Variants in TMEM132B observed in about 807,000 individuals in gnomAD.
TMEM132B encodes transmembrane protein 132B.
A neutral mutation model predicts 90.8 loss-of-function variants in TMEM132B; 18 were observed. The observed-to-expected ratio is 0.20, with a 90% confidence interval of 0.14 to 0.29. The LOEUF (loss-of-function observed/expected upper bound fraction) is 0.29. Among genes scored for constraint, TMEM132B ranks in the 10% least tolerant of loss-of-function variants. The pLI, the probability that TMEM132B is intolerant of heterozygous loss-of-function variation, is 1.00. For missense variants in TMEM132B, 1,096 were observed against 1,326.8 expected (o/e 0.83, Z 2.70); for synonymous variants, 504 against 523.3 (o/e 0.96, Z 0.50).
intron 2 of TMEM132B, among the ~76,000 whole-genome samples, chr12:125,412,693 G>C (rs975600340): frequency 4.6e-5 from 7 of 152,168 alleles, no homozygotes; most frequent in Non-Finnish European, 8.8e-5. Context: ...AGCAAGTACC[G>C]ATAGGAAGGA....
At chr12:125,488,654 G>A (rs1294457466) in intron 3 of TMEM132B, among the ~76,000 whole-genome samples, 4 of 152,174 alleles carry the variant, frequency 2.6e-5, no homozygotes, top group African/African-American at 4.8e-5. Context: ...ACGTGGAACT[G>A]TAAGTCCATT....
intron 3 of TMEM132B, among the ~76,000 whole-genome samples, chr12:125,421,944 TAGA>T (rs1297990993): frequency 5.3e-5 from 8 of 152,232 alleles, no homozygotes; most frequent in Non-Finnish European, 1.0e-4. Flanking sequence ...TTCAACAAAG[TAGA>T]AGTAGTTTTT....
At chr12:125,430,541 C>G (rs144564959) in intron 3 of TMEM132B, among the ~76,000 whole-genome samples, 1 of 152,206 alleles carries the variant, frequency 6.6e-6, no homozygotes, top group African/African-American at 2.4e-5. Flanking sequence ...TGCAAAGGCT[C>G]CCAGGGAAGG....
chr12:125,193,115 A>G (rs1872835564), intron 1 of TMEM132B, among the ~76,000 whole-genome samples: 1 of 152,196 alleles, frequency 6.6e-6, no homozygotes. Context: ...GGACACATGC[A>G]ACCATCACAG....
At chr12:125,311,469 T>A (rs1876122715) in intron 1 of TMEM132B, among the ~76,000 whole-genome samples, 1 of 152,210 alleles carries the variant, frequency 6.6e-6, no homozygotes, top group Non-Finnish European at 1.5e-5. Flanking sequence ...AGCTTCTCTC[T>A]TCCTTTTACA....
intron 1 of TMEM132B, among the ~76,000 whole-genome samples, chr12:125,249,536 G>T (rs1430712095): frequency 3.3e-5 from 5 of 152,188 alleles, no homozygotes; most frequent in Non-Finnish European, 4.4e-5. Context: ...GCCACAGTGG[G>T]TTAACTTTAC....
chr12:125,643,941 T>C, intron 5 of TMEM132B, 135 bp from the exon 6 acceptor site: 1 of 728,790 alleles, frequency 1.4e-6, no homozygotes, highest in East Asian at 2.7e-5. Context: ...TTACCTTTTG[T>C]ACAAGTTCTG....
chr12:125,298,069 A>T (rs1412989299), intron 1 of TMEM132B, among the ~76,000 whole-genome samples: 2 of 152,256 alleles, frequency 1.3e-5, no homozygotes, highest in East Asian at 3.9e-4. Context: ...TCTGGGCAAC[A>T]TAGTGAGGCC....
At chr12:125,568,068 G>C (rs1478049760) in intron 4 of TMEM132B, among the ~76,000 whole-genome samples, 1 of 152,014 alleles carries the variant, frequency 6.6e-6, no homozygotes, top group Non-Finnish European at 1.5e-5. Flanking sequence ...CTGTCTCTAA[G>C]CTCCAGCACC....
intron 4 of TMEM132B, among the ~76,000 whole-genome samples, chr12:125,545,175 C>T (rs948663086): frequency 3.3e-5 from 5 of 152,296 alleles, no homozygotes; most frequent in South Asian, 4.1e-4. Flanking sequence ...ACTACACAAG[C>T]GGCTTGCTCT....
chr12:125,621,719 G>A (rs1886117197), intron 5 of TMEM132B, among the ~76,000 whole-genome samples: 1 of 152,180 alleles, frequency 6.6e-6, no homozygotes, highest in South Asian at 2.1e-4. Flanking sequence ...ACCTCTGGTA[G>A]AGTCTGTGGG....
At chr12:125,584,212 A>C in intron 5 of TMEM132B, 1 of 599,018 alleles carries the variant, frequency 1.7e-6, no homozygotes, top group Non-Finnish European at 3.0e-6. Flanking sequence ...TGGAAAGGGG[A>C]ATCCCTGACC....
chr12:125,535,485 A>C (rs7969675), intron 4 of TMEM132B, among the ~76,000 whole-genome samples: 41,061 of 152,116 alleles, frequency 0.27, 5,733 homozygotes, highest in Non-Finnish European at 0.32. Context: ...AAGGAGGCTC[A>C]GTTCTTGCCA....
intron 3 of TMEM132B, among the ~76,000 whole-genome samples, chr12:125,479,374 G>A (rs375537681): frequency 3.9e-5 from 6 of 152,250 alleles, no homozygotes; most frequent in Admixed American, 6.5e-5. Context: ...CCCATCCCAC[G>A]TGCAGAGACA....
At chr12:125,270,786 TG>T (rs776056502) in intron 1 of TMEM132B, among the ~76,000 whole-genome samples, 459 of 22,542 alleles carry the variant, frequency 0.02, 3 homozygotes, top group Non-Finnish European at 0.026. Context: ...CTGTGGGGGT[TG>T]GGGGGGCGGG....
At chr12:125,372,894 G>T (rs979197050) in intron 2 of TMEM132B, among the ~76,000 whole-genome samples, 1 of 152,120 alleles carries the variant, frequency 6.6e-6, no homozygotes, top group African/African-American at 2.4e-5. Flanking sequence ...CAGTCTCAGG[G>T]CATTTTCTTT....
chr12:125,634,660 T>C (rs573665893), intron 5 of TMEM132B, among the ~76,000 whole-genome samples: 2 of 152,246 alleles, frequency 1.3e-5, no homozygotes, highest in African/African-American at 2.4e-5. Flanking sequence ...CAGGACTGGC[T>C]CCTTTCCTTC....
At chr12:125,511,481 T>C (rs1882976300) in intron 3 of TMEM132B, among the ~76,000 whole-genome samples, 1 of 151,836 alleles carries the variant, frequency 6.6e-6, no homozygotes, top group Non-Finnish European at 1.5e-5. Flanking sequence ...TTCACTCTCA[T>C]CTCTTTTTTC....
At chr12:125,264,088 A>G (rs1874630809) in intron 1 of TMEM132B, among the ~76,000 whole-genome samples, 1 of 152,130 alleles carries the variant, frequency 6.6e-6, no homozygotes, top group Admixed American at 6.5e-5. Context: ...CTAGAGGAAA[A>G]TATGTTTCCT....
Sources: gnomAD v4.1 joint callset for allele counts (sites outside exome capture counted in the v4.1 genomes callset) on GRCh38, gnomAD v4.1.1 for gene constraint, MANE v1.5 for transcripts, NCBI Gene and HGNC (gene_info 2026-07-23, HGNC 2026-07-21) for gene names.